Variants in VLDLR observed in about 807,000 individuals in gnomAD.
VLDLR encodes the protein very low-density lipoprotein receptor.
A neutral mutation model predicts 112.7 loss-of-function variants in VLDLR; 81 were observed. The ratio of observed to expected loss-of-function variants is 0.72; its 90% CI spans 0.60 to 0.86. The LOEUF (loss-of-function observed/expected upper bound fraction) is 0.86, where lower values mean the gene tolerates loss of function less well. Among genes scored for constraint, VLDLR ranks in the 40% least tolerant of loss-of-function variants. VLDLR has a pLI of 0.00. For synonymous variants in VLDLR, 436 were observed against 384.8 expected (o/e 1.13, Z -1.56); for missense variants, 1,237 against 1,099.4 (o/e 1.13, Z -1.77).
At chr9:2,625,253 A>C (rs1817038633) in intron 1 of VLDLR, among the ~76,000 whole-genome samples, 1 of 152,340 alleles carries the variant, frequency 6.6e-6, no homozygotes, top group Non-Finnish European at 1.5e-5. Flanking sequence ...ATAAGACTTA[A>C]CAAGAACTCC....
intron 10 of VLDLR, 65 bp from the exon 11 acceptor site, chr9:2,646,269 A>G (rs35037163): frequency 6.5e-7 from 1 of 1,534,036 alleles, no homozygotes; most frequent in African/African-American, 1.4e-5. Context: ...TGTAAGCAAA[A>G]AGTCCATTCT....
Position 2,645,650 on chromosome 9 carries a change from A to C in VLDLR, c.1389A>C (p.Gln463His), listed in dbSNP as rs1274137947. The C allele has an allele frequency of 8.1e-6, 13 of 1,614,060 alleles. No individual in the cohort carries two copies. The highest frequency in any genetic ancestry group is 1.3e-5 in the African/African-American group (1 of 74,912). The change falls in exon 10 of 19, where the codon CAA (glutamine) becomes CAC (histidine). Residue 463 changes from glutamine (Q) to histidine (H), a missense_variant. Physicochemically the swap from Gln to His is conservative, Grantham distance 24. Transcript: ENST00000382100. ...GCTTAGAGAGGAAAGAATATATCCA[A>C]CTAGTTGAACAGCTAAGAAACACTG... is the stretch of plus-strand genomic sequence containing the variant. ...KIGLERKEYI[Q>H]LVEQLRNTVA...
rs1395975927 is a variant in VLDLR, at chr9:2,646,443, G to A, written c.1594G>A (p.Ala532Thr). The A allele has an allele frequency of 1.2e-6, 2 of 1,613,998 alleles. No individual in the cohort carries two copies. The highest frequency in any genetic ancestry group is 2.2e-5 in the East Asian group (1 of 44,902). ...WVYKTIYWTD[A>T]ASKTISVATL... is the part of the protein sequence containing the mutation. ...GTACAAGACCATCTACTGGACTGAT[G>A]CGGCTTCTAAGACTATTTCAGTAGC... Residue 532 changes from alanine to threonine, a missense_variant, in exon 11 of 19, where the codon GCG becomes ACG. Transcript: ENST00000382100.
At chr9:2,644,034 C>A (rs1817947635) in intron 7 of VLDLR, 75 bp downstream of exon 7, 2 of 1,606,242 alleles carry the variant, frequency 1.2e-6, no homozygotes, top group Non-Finnish European at 1.7e-6. Flanking sequence ...TGTGTGGACC[C>A]CCCGTGATGG....
At chr9:2,627,143 C>T (rs1347636934) in intron 1 of VLDLR, among the ~76,000 whole-genome samples, 3 of 152,182 alleles carry the variant, frequency 2.0e-5, no homozygotes, top group Admixed American at 2.0e-4. Context: ...GGAATAGAAG[C>T]TCTGAAGAGG....
At position 2,643,179 on chromosome 9, in the gene VLDLR, C is replaced by T. The variant is rs2242105; in HGVS notation, c.468C>T (p.Pro156=). The T allele has an allele frequency of 1.2e-3, 1,887 of 1,612,592 alleles. 35 individuals are homozygous for T. In the East Asian group the frequency reaches 0.039, roughly 33 times the overall value. The change falls in exon 5 of 19, where the codon CCC becomes CCT. Residue 156 remains proline (P), a synonymous_variant. Transcript: ENST00000382100. ...EENCGNITCS[P]DEFTCSSGRC... ...TAATAGGCAATATAACATGTAGTCC[C>T]GACGAGTTCACCTGCTCCAGTGGCC...
chr9:2,644,922 A>T, intron 8 of VLDLR, 35 bp from the exon 9 acceptor site: 1 of 1,614,174 alleles, frequency 6.2e-7, no homozygotes, highest in Non-Finnish European at 8.5e-7. Context: ...AGTAAGGTAT[A>T]GGAGCAGCAA....
At chr9:2,651,649 C>A in intron 16 of VLDLR, 151 bp downstream of exon 16, 1 of 890,944 alleles carries the variant, frequency 1.1e-6, no homozygotes, top group Non-Finnish European at 1.7e-6. Flanking sequence ...ACTTGCATAT[C>A]TTTTCCTGAC....
rs113809568 is a variant in VLDLR at position 2,635,474 on chromosome 9, C to T, written c.104C>T (p.Pro35Leu). 80 of 1,614,008 alleles carry T rather than the reference C, an allele frequency of 5.0e-5. No homozygotes were observed. The African/African-American group carries it at 9.1e-4, about 18-fold the overall frequency. The change falls in exon 2 of 19, where the codon CCC (proline) becomes CTC (leucine). Residue 35 changes from proline (P) to leucine (L), a missense_variant. Coordinates refer to ENST00000382100, the MANE Select transcript of VLDLR (RefSeq NM_003383.5). ...TGTGRKAKCE[P>L]SQFQCTNGRC... is the part of the protein sequence containing the mutation. ...CTAGGGAGAAAAGCCAAATGTGAAC[C>T]CTCCCAATTCCAGTGCACAAATGGT...
At chr9:2,651,990 T>TTCTTAGATACC (rs778388534) in intron 17 of VLDLR, 36 bp downstream of exon 17, 1 of 1,600,064 alleles carries the variant, frequency 6.2e-7, no homozygotes, top group South Asian at 1.1e-5. Flanking sequence ...GTTCAAGAAC[T>TTCTTAGATACC]TCTTAGATAC....
Position 2,657,857 on chromosome 9 carries a change from T to C in VLDLR, c.*3989T>C, listed in dbSNP as rs1358001520. 6.6e-6 allele frequency: 1 copy of C among 152,196 alleles called. No individual in the cohort carries two copies. The highest frequency in any genetic ancestry group is 1.5e-5 in the Non-Finnish European group (1 of 68,026). The allele number at this position is 152,196 out of a possible 1,614,324, so 9.4% of individuals were successfully genotyped here. A position where few individuals can be genotyped will look rare whatever the true frequency, so the allele number is the denominator to read the frequency against. On this transcript the variant is annotated 3_prime_UTR_variant, in exon 19 of 19. Coordinates refer to ENST00000382100, the MANE Select transcript of VLDLR (RefSeq NM_003383.5). ...AGGCCAGAAGGGGCTTATAATGACT[T>C]CTCTTCTAGAATTGTAATACTAAAA...
At chr9:2,633,435 C>G (rs918553306) in intron 1 of VLDLR, among the ~76,000 whole-genome samples, 1 of 152,092 alleles carries the variant, frequency 6.6e-6, no homozygotes, top group African/African-American at 2.4e-5. Flanking sequence ...TAGCTTCAAA[C>G]TCATTCTTAA....
intron 11 of VLDLR, 136 bp from the exon 12 acceptor site, chr9:2,647,338 A>G (rs1466075676): frequency 1.4e-6 from 1 of 717,664 alleles, no homozygotes; most frequent in Non-Finnish European, 2.5e-6. Context: ...AACATAATTT[A>G]GACCCTTAAG....
At chr9:2,626,731 G>A (rs1407326965) in intron 1 of VLDLR, among the ~76,000 whole-genome samples, 2 of 152,040 alleles carry the variant, frequency 1.3e-5, no homozygotes, top group African/African-American at 4.8e-5. Context: ...ACGAGGTGGT[G>A]GGGATGGGGG....
intron 14 of VLDLR, 116 bp downstream of exon 14, chr9:2,648,926 C>T: frequency 1.6e-6 from 2 of 1,224,822 alleles, no homozygotes; most frequent in Non-Finnish European, 1.2e-6. Flanking sequence ...GGAACTTTTG[C>T]CCTCCTGTAC....
At chr9:2,650,610 A>T (rs766893834) in intron 15 of VLDLR, 94 bp downstream of exon 15, 2 of 1,521,182 alleles carry the variant, frequency 1.3e-6, no homozygotes, top group Non-Finnish European at 1.8e-6. Flanking sequence ...GTCTTAGCTA[A>T]TTCTTTGAAT....
Position 2,645,558 on chromosome 9 carries a change from G to C in VLDLR, c.1313-16G>C. On this transcript the variant is annotated splice_polypyrimidine_tract_variant and intron_variant, in intron 9 of 18. Transcript: ENST00000382100. ...TCTTAAAGCAAAACTAAGTAACCCA[G>C]ACTTCCATCTTGCAGGCAAAGAGCC... is the stretch of plus-strand genomic sequence containing the variant. The C allele has an allele frequency of 6.2e-7, 1 of 1,614,184 alleles. No homozygotes were observed. The highest frequency in any genetic ancestry group is 8.5e-7 in the Non-Finnish European group (1 of 1,180,032).
At chr9:2,650,082 T>TC (rs1818252849) in intron 14 of VLDLR, among the ~76,000 whole-genome samples, 1 of 152,178 alleles carries the variant, frequency 6.6e-6, no homozygotes, top group Non-Finnish European at 1.5e-5. Context: ...TGAGAGCCAG[T>TC]CCTGGTCCCT....
intron 2 of VLDLR, among the ~76,000 whole-genome samples, chr9:2,637,713 A>T (rs1053552566): frequency 2.0e-5 from 3 of 152,166 alleles, no homozygotes; most frequent in African/African-American, 4.8e-5. Flanking sequence ...CGGCCTAGGC[A>T]GGCGAATCAC....
Sources: gnomAD v4.1 joint callset for allele counts (sites outside exome capture counted in the v4.1 genomes callset) on GRCh38, gnomAD v4.1.1 for gene constraint, MANE v1.5 for transcripts, NCBI Gene and HGNC (gene_info 2026-07-23, HGNC 2026-07-21) for gene names.